POLR1C: variants seen among roughly 807,000 people sequenced by gnomAD.
POLR1C encodes the protein DNA-directed RNA polymerases I and III subunit RPAC1.
A neutral mutation model predicts 38.3 loss-of-function variants in POLR1C; 42 were observed. The ratio of observed to expected loss-of-function variants is 1.10; its 90% CI spans 0.86 to 1.42. POLR1C has a LOEUF of 1.42. Among genes scored for constraint, POLR1C ranks in the 40% most tolerant of loss-of-function variants. The probability of loss-of-function intolerance (pLI) is 0.00; values close to 1 mark genes in which losing one functional copy is unlikely to be tolerated. For missense variants in POLR1C, 507 were observed against 450.5 expected (o/e 1.13, Z -1.14); for synonymous variants, 163 against 163.9 (o/e 0.99, Z 0.04).
exon 11 of POLR1C, chr6:43,562,039 A>G (rs531703745): frequency 2.4e-4 from 101 of 423,880 alleles, no homozygotes; most frequent in Admixed American, 3.2e-4. Context: ...TGACGTTGGT[A>G]TAACTATTTT....
chr6:43,533,386 A>AT (rs1445647393), downstream of POLR1C: 2 of 152,696 alleles, frequency 1.3e-5, no homozygotes, highest in African/African-American at 4.8e-5. Flanking sequence ...ACGGGGAAAA[A>AT]AAATAAATTG....
At chr6:43,527,863 A>C (rs1483732999) in intron 8 of POLR1C, 1 of 906,554 alleles carries the variant, frequency 1.1e-6, no homozygotes, top group East Asian at 2.6e-5. Flanking sequence ...AAAGTTGGGA[A>C]TGGACAGCAG....
intron 10 of POLR1C, among the ~76,000 whole-genome samples, chr6:43,553,846 T>C (rs2127736133): frequency 6.6e-6 from 1 of 152,340 alleles, no homozygotes; most frequent in East Asian, 1.9e-4. Context: ...TAGTAGGCAC[T>C]TGATAAACAT....
At chr6:43,544,135 G>C (rs1794850031) in intron 9 of POLR1C, 1 of 153,196 alleles carries the variant, frequency 6.5e-6, no homozygotes, top group Non-Finnish European at 1.5e-5. Flanking sequence ...GTATCAAAAT[G>C]ATAACCATCT....
At chr6:43,546,790 GAA>G (rs374970458) in intron 9 of POLR1C, 1,984 of 1,151,364 alleles carry the variant, frequency 1.7e-3, no homozygotes, top group South Asian at 3.9e-3. Flanking sequence ...ATATTAAAAG[GAA>G]AAAAAAAAAA....
chr6:43,528,000 A>G (rs1468558299), intron 8 of POLR1C, among the ~76,000 whole-genome samples: 2 of 152,192 alleles, frequency 1.3e-5, no homozygotes, highest in African/African-American at 4.8e-5. Flanking sequence ...CCTGCTGGTA[A>G]CAGCCTGTCC....
chr6:43,547,254 T>C, intron 9 of POLR1C: 2 of 378,944 alleles, frequency 5.3e-6, no homozygotes, highest in South Asian at 4.5e-5. Context: ...AATCTCAGGT[T>C]TGCAAGTTAA....
In POLR1C at chr6:43,520,284, G is replaced by C. The variant is rs1793078771; in HGVS notation, c.512G>C (p.Arg171Thr). The C allele has an allele frequency of 6.2e-7, 1 of 1,612,860 alleles. No homozygotes were observed. Among genetic ancestry groups the C allele is most frequent in the Non-Finnish European group, 8.5e-7 (1 of 1,180,026 alleles). ...CATGTTTTTCCTCCAGTGTATACCA[G>C]GCATATGACATGGATCCCCCTGGGG... Reference protein sequence around the residue: ...ELYVNHKVYTRHMTWIPLGNQ... With the variant: ...ELYVNHKVYTTHMTWIPLGNQ... Residue 171 changes from arginine (R) to threonine (T), a missense_variant, in exon 6 of 9, where the codon AGG (arginine) becomes ACG (threonine). Transcript: ENST00000642195.
At chr6:43,531,077 T>C (rs575013377), downstream of POLR1C, among the ~76,000 whole-genome samples, 163 of 152,328 alleles carry the variant, frequency 1.1e-3, 1 homozygote, top group Admixed American at 3.4e-3. Context: ...CTGATTAGTG[T>C]AGTGGTTAGT....
chr6:43,520,486 T>C, intron 6 of POLR1C, 59 bp downstream of exon 6: 1 of 1,607,894 alleles, frequency 6.2e-7, no homozygotes, highest in East Asian at 2.2e-5. Flanking sequence ...TGGGGCAAGC[T>C]GACTAGGGAA....
At chr6:43,517,279 G>C (rs1345469719) in intron 1 of POLR1C, 27 bp from the exon 2 acceptor site, 1 of 1,608,230 alleles carries the variant, frequency 6.2e-7, no homozygotes, top group Non-Finnish European at 8.5e-7. Flanking sequence ...CTGTCCCTTC[G>C]TGGACAAATT....
intron 2 of POLR1C, 94 bp from the exon 3 acceptor site, chr6:43,519,234 TGAGAG>T: frequency 1.3e-6 from 1 of 770,688 alleles, no homozygotes; most frequent in Admixed American, 2.0e-5. Context: ...GGTTTTTGGA[TGAGAG>T]GATAATACTT....
intron 9 of POLR1C, among the ~76,000 whole-genome samples, chr6:43,542,602 T>A (rs1246107487): frequency 6.6e-6 from 1 of 152,024 alleles, no homozygotes; most frequent in Admixed American, 6.6e-5. Flanking sequence ...GTGGTGGTAT[T>A]TTGAGTAGAG....
chr6:43,541,236 T>A (rs1381636881), intron 9 of POLR1C, among the ~76,000 whole-genome samples: 1 of 152,162 alleles, frequency 6.6e-6, no homozygotes, highest in African/African-American at 2.4e-5. Flanking sequence ...GATTGTACAT[T>A]TAAAAAGCAT....
chr6:43,523,580 C>A, downstream of POLR1C: 1 of 595,460 alleles, frequency 1.7e-6, no homozygotes. Flanking sequence ...GGGAGAAGGG[C>A]TGCTCTGCTC....
At chr6:43,560,264 A>G in intron 10 of POLR1C, 1 of 1,612,326 alleles carries the variant, frequency 6.2e-7, no homozygotes, top group Non-Finnish European at 8.5e-7. Flanking sequence ...TCATGCCTGA[A>G]GAGGGCTCCC....
In POLR1C at chr6:43,519,996, G is replaced by A. The variant is rs1053240800; in HGVS notation, c.383-70G>A. 3.5e-5 allele frequency: 55 copies of A among 1,590,458 alleles called. No homozygotes were observed. In the Admixed American group the frequency reaches 7.9e-4, roughly 23 times the overall value. Reference sequence around the variant, plus strand: ...TTTGCCATAATTAAATGGGAAACACGTAAAGCATTCAGCATAGTGCTGGCA... The same window carrying A: ...TTTGCCATAATTAAATGGGAAACACATAAAGCATTCAGCATAGTGCTGGCA... On this transcript the variant is annotated intron_variant, in intron 4 of 8. Transcript: ENST00000642195.
Position 43,521,190 on chromosome 6 carries a change from G to C in POLR1C, c.931G>C (p.Glu311Gln), listed in dbSNP as rs1361327336. The C allele has an allele frequency of 6.2e-7, 1 of 1,614,118 alleles. No homozygotes were observed. The highest frequency in any genetic ancestry group is 8.5e-7 in the Non-Finnish European group (1 of 1,180,002). ...GTCTCTTTGGTCCCCAGTCTCTGTT[G>C]AGTCAACGGGGGTGTTGCCACCAGA... ...RVRDHYIFSV[E>Q]STGVLPPDVL... Residue 311 changes from glutamate (E) to glutamine (Q), a missense_variant, in exon 9 of 9, where the codon GAG (glutamate) becomes CAG (glutamine). Glu to Gln is a conservative substitution (Grantham distance 29, BLOSUM62 2). Coordinates refer to ENST00000642195, the MANE Select transcript of POLR1C (RefSeq NM_203290.4).
At chr6:43,517,493 G>C (rs1792894797) in intron 2 of POLR1C, 116 bp downstream of exon 2, 3 of 876,278 alleles carry the variant, frequency 3.4e-6, no homozygotes, top group Non-Finnish European at 3.8e-6. Context: ...TAAGTTTGTT[G>C]AGCAATGTGC....
Sources: gnomAD v4.1 joint callset for allele counts (sites outside exome capture counted in the v4.1 genomes callset) on GRCh38, gnomAD v4.1.1 for gene constraint, MANE v1.5 for transcripts, NCBI Gene and HGNC (gene_info 2026-07-23, HGNC 2026-07-21) for gene names.